Variants in DLGAP2 observed in about 807,000 individuals in gnomAD.
DLGAP2 encodes the protein disks large-associated protein 2.
DLGAP2 carries 26 observed loss-of-function variants against 100.3 expected under a neutral mutation model. That is an observed-to-expected ratio of 0.26 (90% CI 0.19 to 0.36). The LOEUF is 0.36. Among genes scored for constraint, DLGAP2 ranks in the 10% least tolerant of loss-of-function variants. The pLI is 1.00. For synonymous variants in DLGAP2, 886 were observed against 630.1 expected, an observed-to-expected ratio of 1.41 and a Z score of -6.08; for missense variants, 1,858 against 1,453.2, an observed-to-expected ratio of 1.28 and a Z score of -4.53.
At chr8:1,126,560 G>A (rs1196324205) in intron 2 of DLGAP2, among the ~76,000 whole-genome samples, 1 of 151,966 alleles carries the variant, frequency 6.6e-6, no homozygotes, top group Non-Finnish European at 1.5e-5. Flanking sequence ...TCCTGGTGGT[G>A]AGATCAGAGG....
At chr8:1,333,505 G>A (rs572577048) in intron 3 of DLGAP2, among the ~76,000 whole-genome samples, 126 of 152,122 alleles carry the variant, frequency 8.3e-4, no homozygotes, top group Non-Finnish European at 1.4e-3. Context: ...TCCACAGACA[G>A]GGGTTCACAC....
intron 3 of DLGAP2, among the ~76,000 whole-genome samples, chr8:1,467,140 G>T (rs1354026210): frequency 6.6e-6 from 1 of 151,722 alleles, no homozygotes; most frequent in Non-Finnish European, 1.5e-5. Flanking sequence ...GCCTGGGAGG[G>T]TCAGTCCCAG....
At chr8:1,530,315 T>C (rs980197448) in intron 4 of DLGAP2, among the ~76,000 whole-genome samples, 2 of 152,156 alleles carry the variant, frequency 1.3e-5, no homozygotes, top group Admixed American at 1.3e-4. Context: ...TTCAGCGATA[T>C]TTCTCCCATT....
At chr8:791,222 T>C (rs1454378512) in intron 1 of DLGAP2, among the ~76,000 whole-genome samples, 2 of 152,188 alleles carry the variant, frequency 1.3e-5, no homozygotes, top group Non-Finnish European at 2.9e-5. Context: ...GCCACAGATA[T>C]TTGATTACCA....
intron 2 of DLGAP2, among the ~76,000 whole-genome samples, chr8:1,234,799 G>A (rs1026698459): frequency 6.6e-5 from 10 of 152,200 alleles, no homozygotes; most frequent in African/African-American, 2.4e-4. Flanking sequence ...GGCCTTTCAT[G>A]TGCCCTCAAG....
At chr8:1,664,694 T>A (rs936707888) in intron 8 of DLGAP2, among the ~76,000 whole-genome samples, 2 of 152,178 alleles carry the variant, frequency 1.3e-5, no homozygotes, top group Admixed American at 1.3e-4. Context: ...GACATTCAGT[T>A]CAATATTGCA....
intron 6 of DLGAP2, among the ~76,000 whole-genome samples, chr8:1,578,197 G>T (rs2040983): frequency 0.34 from 51,923 of 152,096 alleles, 9,976 homozygotes; most frequent in Admixed American, 0.48. Flanking sequence ...TGATAAAAAT[G>T]ATAATGAATG....
chr8:1,645,219 C>T (rs779956511), intron 8 of DLGAP2, among the ~76,000 whole-genome samples: 4 of 152,218 alleles, frequency 2.6e-5, no homozygotes, highest in Non-Finnish European at 5.9e-5. Context: ...ATTTTTTAAC[C>T]TTATAATAGC....
intron 3 of DLGAP2, among the ~76,000 whole-genome samples, chr8:1,341,074 A>T (rs1423140725): frequency 6.6e-6 from 1 of 152,062 alleles, no homozygotes; most frequent in Non-Finnish European, 1.5e-5. Flanking sequence ...ACACACTGGG[A>T]CCTGTGGGAG....
intron 2 of DLGAP2, among the ~76,000 whole-genome samples, chr8:1,151,301 C>T (rs139298371): frequency 2.0e-5 from 3 of 152,036 alleles, no homozygotes; most frequent in Non-Finnish European, 4.4e-5. Context: ...TTTTTACATG[C>T]ACAGTAAAAA....
intron 13 of DLGAP2, among the ~76,000 whole-genome samples, chr8:1,695,352 G>A (rs868341125): frequency 3.1e-4 from 43 of 139,430 alleles, no homozygotes; most frequent in African/African-American, 1.2e-3. Context: ...ACAGAAAGAG[G>A]GGGCACAGCC....
At chr8:1,221,677 T>G (rs1308976373) in intron 2 of DLGAP2, among the ~76,000 whole-genome samples, 2 of 152,216 alleles carry the variant, frequency 1.3e-5, no homozygotes, top group Non-Finnish European at 2.9e-5. Flanking sequence ...ATGGACAGCA[T>G]TCTCAAATAT....
chr8:1,024,573 T>TG (rs1299554364), intron 2 of DLGAP2, among the ~76,000 whole-genome samples: 2 of 152,110 alleles, frequency 1.3e-5, no homozygotes, highest in Non-Finnish European at 2.9e-5. Context: ...CCCTCTGTGG[T>TG]GGGGGTGCCT....
intron 2 of DLGAP2, among the ~76,000 whole-genome samples, chr8:1,222,024 C>T (rs1469263484): frequency 2.0e-5 from 3 of 152,190 alleles, no homozygotes; most frequent in Non-Finnish European, 2.9e-5. Context: ...TAGGTTTCAA[C>T]CTCATTCTGA....
chr8:1,693,138 AT>A (rs1462697534), intron 13 of DLGAP2, among the ~76,000 whole-genome samples: 6 of 124,066 alleles, frequency 4.8e-5, no homozygotes, highest in African/African-American at 1.8e-4. Context: ...AAACATTAAC[AT>A]ATAACAAATA....
At chr8:1,539,347 C>A (rs1801273113) in intron 4 of DLGAP2, among the ~76,000 whole-genome samples, 1 of 152,190 alleles carries the variant, frequency 6.6e-6, no homozygotes, top group Non-Finnish European at 1.5e-5. Context: ...TCAAGTCCAT[C>A]TGGGTGAGGA....
Position 1,388,552 on chromosome 8 carries a change from G to A in DLGAP2, c.107-112814G>A, listed in dbSNP as rs1209189166. On this transcript the variant is annotated intron_variant, in intron 3 of 14. Transcript: ENST00000637795. Reference sequence around the variant, plus strand: ...GGTTCAGGTGTCAGGGCTTTGAGAGGCAGAGGCAGTGGGTGGGGAGGCACT... The same window carrying A: ...GGTTCAGGTGTCAGGGCTTTGAGAGACAGAGGCAGTGGGTGGGGAGGCACT... Among the ~76,000 whole-genome samples the A allele has an allele frequency of 2.7e-5, 2 of 72,864 alleles. 1 individual carries two copies. The highest frequency in any genetic ancestry group is 5.6e-5 in the Non-Finnish European group (2 of 35,864). 47.8% of individuals were successfully genotyped at this position (72,864 alleles called of 152,430 possible). A position where few individuals can be genotyped will look rare whatever the true frequency, so the allele number is the denominator to read the frequency against.
chr8:1,228,291 A>T (rs1288756880), intron 2 of DLGAP2, among the ~76,000 whole-genome samples: 2 of 152,238 alleles, frequency 1.3e-5, no homozygotes, highest in East Asian at 1.9e-4. Context: ...AAGATCTATA[A>T]CATGGAAAGA....
chr8:1,696,078 C>T (rs1663053921), intron 13 of DLGAP2, among the ~76,000 whole-genome samples: 1 of 152,200 alleles, frequency 6.6e-6, no homozygotes, highest in South Asian at 2.1e-4. Context: ...CTTCACTGAG[C>T]ATGCTGAGTG....
Sources: allele counts gnomAD v4.1 joint callset (sites outside exome capture counted in the v4.1 genomes callset), GRCh38; gene constraint gnomAD v4.1.1; transcripts MANE v1.5; gene names NCBI Gene and HGNC (gene_info 2026-07-23, HGNC 2026-07-21).